Variants in DAO observed in about 807,000 individuals in gnomAD.
The protein encoded by DAO is D-amino-acid oxidase.
In DAO, 51 loss-of-function variants were observed where a neutral mutation model predicts 50.1. The observed-to-expected ratio is 1.02, with a 90% CI of 0.81 to 1.29. The LOEUF (loss-of-function observed/expected upper bound fraction) is 1.29. Ranked by LOEUF, DAO falls within the 50% of genes most tolerant of loss-of-function variation. The pLI is 0.00. For synonymous variants in DAO, 160 were observed against 166.2 expected (o/e 0.96, Z 0.29); for missense variants, 436 against 439.4 (o/e 0.99, Z 0.07).
chr12:108,882,898 A>G (rs2039395626), intron 1 of DAO, among the ~76,000 whole-genome samples: 1 of 152,182 alleles, frequency 6.6e-6, no homozygotes, highest in Admixed American at 6.5e-5. Context: ...CTGAAAGCCC[A>G]GCGCTTTGGG....
chr12:108,898,532 G>A (rs1267387005), intron 8 of DAO, 147 bp from the exon 9 acceptor site: 52 of 748,664 alleles, frequency 6.9e-5, no homozygotes, highest in South Asian at 1.4e-5. Context: ...GGAAGAGTTC[G>A]TTGTTGGTGT....
chr12:108,880,990 C>T (rs372495211), intron 1 of DAO, among the ~76,000 whole-genome samples: 1 of 152,170 alleles, frequency 6.6e-6, no homozygotes. Context: ...CTTCTCCTCC[C>T]TAAACCTCAG....
At position 108,892,970 on chromosome 12, in the gene DAO, T is replaced by C. The variant is rs1206580404; in HGVS notation, c.453-12T>C. ...TGAATACTGGGCTTTTTGATGTGTTTGATCATCCCAGGTTAACTGAGAGGG... is the reference window on the plus strand; with the variant it reads ...TGAATACTGGGCTTTTTGATGTGTTCGATCATCCCAGGTTAACTGAGAGGG... On this transcript the variant is annotated splice_polypyrimidine_tract_variant and intron_variant, in intron 5 of 10. Transcript: ENST00000228476. The C allele has an allele frequency of 1.9e-6, 3 of 1,613,836 alleles. No homozygotes were observed. The highest frequency in any genetic ancestry group is 3.3e-4 in the Middle Eastern group (2 of 6,060).
At chr12:108,891,114 C>CG (rs2039486313) in intron 5 of DAO, among the ~76,000 whole-genome samples, 1 of 152,132 alleles carries the variant, frequency 6.6e-6, no homozygotes, top group African/African-American at 2.4e-5. Flanking sequence ...AGCCACCACG[C>CG]CCAGCCTGAT....
At chr12:108,899,311 T>C in intron 9 of DAO, 66 bp from the exon 10 acceptor site, 1 of 1,150,762 alleles carries the variant, frequency 8.7e-7, no homozygotes, top group East Asian at 2.5e-5. Context: ...GCTAACTCCC[T>C]ACTACCTAAA....
At chr12:108,888,200 C>T (rs1258230371) in intron 3 of DAO, among the ~76,000 whole-genome samples, 1 of 152,188 alleles carries the variant, frequency 6.6e-6, no homozygotes, top group African/African-American at 2.4e-5. Context: ...AGCCCTGGGA[C>T]GGTTTGCTCA....
intron 7 of DAO, among the ~76,000 whole-genome samples, chr12:108,895,972 T>A (rs2039549862): frequency 6.6e-6 from 1 of 151,786 alleles, no homozygotes. Flanking sequence ...GAGTCACAGA[T>A]GCACCTGTGA....
chr12:108,889,341 C>T (rs764883666), intron 3 of DAO, 128 bp from the exon 4 acceptor site: 1 of 647,002 alleles, frequency 1.5e-6, no homozygotes, highest in Admixed American at 1.9e-5. Flanking sequence ...AGCTCCTGAC[C>T]TCAGGTGATC....
At chr12:108,881,942 A>G (rs915276748) in intron 1 of DAO, among the ~76,000 whole-genome samples, 45 of 151,972 alleles carry the variant, frequency 3.0e-4, no homozygotes, top group Admixed American at 1.2e-3. Context: ...CAACACTCTA[A>G]AAATTCCTAC....
chr12:108,886,981 C>A (rs575843119), intron 2 of DAO, among the ~76,000 whole-genome samples: 54 of 152,324 alleles, frequency 3.5e-4, no homozygotes, highest in Non-Finnish European at 6.8e-4. Context: ...AAACAAGTCA[C>A]ACAGTCACAT....
intron 8 of DAO, among the ~76,000 whole-genome samples, chr12:108,898,149 T>TG (rs2039581156): frequency 6.6e-6 from 1 of 151,998 alleles, no homozygotes; most frequent in African/African-American, 2.4e-5. Context: ...ACAGCGTTCA[T>TG]GGGGGTGGTG....
At chr12:108,900,054 T>A (rs771758213) in intron 10 of DAO, 81 of 341,820 alleles carry the variant, frequency 2.4e-4, no homozygotes, top group Admixed American at 3.8e-4. Context: ...CTGGAGCTCT[T>A]TGGGATAGGG....
At chr12:108,882,571 T>C (rs2039392849) in intron 1 of DAO, among the ~76,000 whole-genome samples, 1 of 152,116 alleles carries the variant, frequency 6.6e-6, no homozygotes, top group Non-Finnish European at 1.5e-5. Flanking sequence ...AACCAACTCA[T>C]CCTGGTTTGC....
At chr12:108,896,412 G>A (rs528240024) in intron 7 of DAO, among the ~76,000 whole-genome samples, 15 of 103,210 alleles carry the variant, frequency 1.5e-4, no homozygotes, top group Middle Eastern at 5.2e-3. Flanking sequence ...ACAGAGCGAG[G>A]CTGTCTCAAA....
At chr12:108,900,329 C>T in intron 10 of DAO, 75 bp from the exon 11 acceptor site, 7 of 1,577,054 alleles carry the variant, frequency 4.4e-6, no homozygotes, top group Non-Finnish European at 6.1e-6. Flanking sequence ...CTGAGTCTTC[C>T]AGGGCAGAAG....
At position 108,900,897 on chromosome 12, in the gene DAO, A is replaced by T. The variant is rs146298607; in HGVS notation, c.*362A>T. 1.6e-3 allele frequency: 489 copies of T among 298,838 alleles called. 2 individuals carry two copies. Among genetic ancestry groups the T allele is most frequent in the African/African-American group, 9.5e-3 (434 of 45,862 alleles). 18.5% of individuals were successfully genotyped at this position (298,838 alleles called of 1,614,324 possible). A position where few individuals can be genotyped will look rare whatever the true frequency, so the allele number is the denominator to read the frequency against. ...ACCTGATTACAAGTTGTACTAACATATTAAAGGTTCTGAAAAGTCCTGCAG... is the reference window on the plus strand; with the variant it reads ...ACCTGATTACAAGTTGTACTAACATTTTAAAGGTTCTGAAAAGTCCTGCAG... On this transcript the variant is annotated 3_prime_UTR_variant, in exon 11 of 11. Transcript: ENST00000228476.
At chr12:108,882,396 C>G in intron 1 of DAO, among the ~76,000 whole-genome samples, 1 of 152,132 alleles carries the variant, frequency 6.6e-6, no homozygotes, top group East Asian at 1.9e-4. Context: ...GCCTGTAATC[C>G]CAGCTACTCA....
intron 1 of DAO, among the ~76,000 whole-genome samples, chr12:108,880,939 G>A (rs978227086): frequency 1.3e-5 from 2 of 152,028 alleles, no homozygotes; most frequent in South Asian, 2.1e-4. Context: ...GTCTAGGTCC[G>A]AATGCTGTCC....
Position 108,898,807 on chromosome 12 carries a change from G to A in DAO, c.813+11G>A, listed in dbSNP as rs1366325757. On this transcript the variant is annotated intron_variant, in intron 9 of 10. Transcript: ENST00000228476. ...GAGCCCACACTGAAGGTAAGGTAGG[G>A]AGGAGTAGCAGTGCCCTAAACCAAG... The A allele has an allele frequency of 1.3e-6, 2 of 1,598,082 alleles. No homozygotes were observed. The highest frequency in any genetic ancestry group is 1.7e-6 in the Non-Finnish European group (2 of 1,165,526).
Sources: gnomAD v4.1 joint callset for allele counts (sites outside exome capture counted in the v4.1 genomes callset) on GRCh38, gnomAD v4.1.1 for gene constraint, MANE v1.5 for transcripts, NCBI Gene and HGNC (gene_info 2026-07-23, HGNC 2026-07-21) for gene names.